The following OSBPL11 variants were observed in gnomAD, a reference collection of about 807,000 sequenced individuals.
OSBPL11 encodes the protein oxysterol-binding protein-related protein 11.
OSBPL11 carries 33 observed loss-of-function variants against 84.4 expected under a neutral mutation model. The ratio of observed to expected loss-of-function variants is 0.39; its 90% CI spans 0.30 to 0.52. The LOEUF is 0.52. Ranked by LOEUF, OSBPL11 falls within the 20% of genes least tolerant of loss-of-function variation. The pLI is 0.72. For missense variants in OSBPL11, 736 were observed against 901.1 expected (o/e 0.82, Z 2.35); for synonymous variants, 276 against 310.2 (o/e 0.89, Z 1.16).
chr3:125,560,295 TAAATAA>T, intron 8 of OSBPL11, 78 bp downstream of exon 8: 4 of 1,206,608 alleles, frequency 3.3e-6, no homozygotes, highest in Middle Eastern at 2.8e-4. Context: ...AAAAAGTAAA[TAAATAA>T]AAAGTCCTGA....
rs1253490940 is a variant in OSBPL11 at position 125,588,373 on chromosome 3, G to A, written c.165-5395C>T. Reference sequence around the variant, plus strand: ...GCTGGAAGTAACATCAGAGGTTGACGATAATGTCAAGAGGTTCTCCAGCTT... The same window carrying A: ...GCTGGAAGTAACATCAGAGGTTGACAATAATGTCAAGAGGTTCTCCAGCTT... On this transcript the variant is annotated intron_variant, in intron 1 of 12. Coordinates refer to ENST00000296220, the MANE Select transcript of OSBPL11 (RefSeq NM_022776.5). 2.6e-5 allele frequency among the ~76,000 whole-genome samples: 4 copies of A among 152,174 alleles called. No individual in the cohort carries two copies. In the South Asian group the frequency reaches 8.3e-4, roughly 31 times the overall value.
chr3:125,566,881 C>T (rs1936164084), intron 6 of OSBPL11, among the ~76,000 whole-genome samples: 1 of 151,894 alleles, frequency 6.6e-6, no homozygotes. Flanking sequence ...GACTCCTGGG[C>T]TCGGGATCCT....
Position 125,529,179 on chromosome 3 carries a change from C to T in OSBPL11, c.*1336G>A, listed in dbSNP as rs1184370037. 2 of 152,374 alleles carry T rather than the reference C, an allele frequency of 1.3e-5. No homozygotes were observed. Among genetic ancestry groups the T allele is most frequent in the Non-Finnish European group, 2.9e-5 (2 of 67,974 alleles). 9.4% of individuals were successfully genotyped at this position (152,374 alleles called of 1,614,324 possible). A position where few individuals can be genotyped will look rare whatever the true frequency, so the allele number is the denominator to read the frequency against. On this transcript the variant is annotated 3_prime_UTR_variant, in exon 13 of 13. Transcript: ENST00000296220. ...ATGTTACACACACTGATTGGAAGAC[C>T]ATATCAGAAAAAACAGAGTAAGGCA...
chr3:125,579,773 C>T (rs940543320), intron 3 of OSBPL11, 92 bp downstream of exon 3: 8 of 1,136,766 alleles, frequency 7.0e-6, no homozygotes, highest in African/African-American at 1.6e-5. Flanking sequence ...ACAGCAGTTT[C>T]TATTTCCAAA....
At chr3:125,561,536 A>C (rs1030533557) in intron 7 of OSBPL11, among the ~76,000 whole-genome samples, 2 of 152,164 alleles carry the variant, frequency 1.3e-5, no homozygotes, top group Non-Finnish European at 2.9e-5. Flanking sequence ...AATGCACATA[A>C]TCTATTCATT....
At chr3:125,576,515 A>C (rs1936326607) in intron 4 of OSBPL11, 150 bp from the exon 5 acceptor site, 1 of 511,666 alleles carries the variant, frequency 2.0e-6, no homozygotes, top group Non-Finnish European at 3.1e-6. Context: ...TCCAAAGATA[A>C]AAATCTGAGA....
At chr3:125,577,246 C>G (rs1329930649) in intron 4 of OSBPL11, among the ~76,000 whole-genome samples, 1 of 152,124 alleles carries the variant, frequency 6.6e-6, no homozygotes, top group Non-Finnish European at 1.5e-5. Context: ...AAGTTATCAC[C>G]TAGGTACGAA....
chr3:125,590,320 T>C (rs903246091), intron 1 of OSBPL11, among the ~76,000 whole-genome samples: 2 of 152,136 alleles, frequency 1.3e-5, no homozygotes, highest in African/African-American at 2.4e-5. Flanking sequence ...GAGGCCGAAG[T>C]GGGTGGATCA....
intron 5 of OSBPL11, among the ~76,000 whole-genome samples, chr3:125,573,592 G>A (rs1003248702): frequency 1.3e-5 from 2 of 152,170 alleles, no homozygotes; most frequent in African/African-American, 2.4e-5. Context: ...GCCAGGTGCG[G>A]TGGCTCACGC....
Position 125,530,670 on chromosome 3 carries a change from A to G in OSBPL11, c.2179-90T>C, listed in dbSNP as rs1421150513. 5.7e-6 allele frequency: 6 copies of G among 1,055,620 alleles called. No homozygotes were observed. In the Admixed American group the frequency reaches 6.0e-5, roughly 11 times the overall value. The allele number at this position is 1,055,620 out of a possible 1,614,324, so 65.4% of individuals were successfully genotyped here. On this transcript the variant is annotated intron_variant, in intron 12 of 12. Transcript: ENST00000296220. ...GAAGCAACACCTTCACTGAAATGGA[A>G]TTCTATTTTCACATTCAAAAACAAG...
intron 1 of OSBPL11, among the ~76,000 whole-genome samples, chr3:125,590,966 T>C (rs1178323599): frequency 6.6e-6 from 1 of 152,214 alleles, no homozygotes; most frequent in African/African-American, 2.4e-5. Flanking sequence ...TAAGTCTATA[T>C]TGTCATTTAG....
Position 125,528,881 on chromosome 3 carries a change from T to G in OSBPL11, c.*1634A>C, listed in dbSNP as rs1935514943. The stretch of plus-strand genomic sequence containing the variant: ...TATTGTTTGTTCTCTAGTTTTATTA[T>G]TTGTCAATTTTCCCAACACAGGAAC... On this transcript the variant is annotated 3_prime_UTR_variant, in exon 13 of 13. Transcript: ENST00000296220. The G allele has an allele frequency of 6.6e-6, 1 of 152,670 alleles. No individual in the cohort carries two copies. Among genetic ancestry groups the G allele is most frequent in the Admixed American group, 6.5e-5 (1 of 15,292 alleles). The allele number at this position is 152,670 out of a possible 1,614,324, so 9.5% of individuals were successfully genotyped here.
intron 8 of OSBPL11, among the ~76,000 whole-genome samples, chr3:125,558,961 G>A (rs1936032975): frequency 6.6e-6 from 1 of 152,222 alleles, no homozygotes; most frequent in African/African-American, 2.4e-5. Context: ...ACTTAAAGAA[G>A]CAAAGCTTTT....
chr3:125,541,543 G>C (rs1010924271), intron 10 of OSBPL11, among the ~76,000 whole-genome samples: 2 of 152,052 alleles, frequency 1.3e-5, no homozygotes, highest in African/African-American at 4.8e-5. Flanking sequence ...AGACACTAAG[G>C]CTCAAAAATT....
In OSBPL11 at chr3:125,552,411, C is replaced by T. The variant is rs761671798; in HGVS notation, c.1424G>A (p.Ser475Asn). The T allele has an allele frequency of 1.1e-5, 17 of 1,614,016 alleles. No individual in the cohort carries two copies. Among genetic ancestry groups the T allele is most frequent in the Non-Finnish European group, 1.4e-5 (16 of 1,180,036 alleles). ...KSEVASSVFSSSSTQGVTNHA... is the reference protein window; with the variant it reads ...KSEVASSVFSNSSTQGVTNHA... ...ATTTGTGACTCCCTGGGTGGAAGAA[C>T]TGCTAAAAACACTGGATGCTACCTC... Residue 475 changes from serine to asparagine, a missense_variant, in exon 9 of 13, where the codon AGT (serine) becomes AAT (asparagine). Physicochemically the swap from Ser to Asn is conservative, Grantham distance 46. Transcript: ENST00000296220.
chr3:125,593,419 A>C (rs953805634), intron 1 of OSBPL11, among the ~76,000 whole-genome samples: 10 of 152,184 alleles, frequency 6.6e-5, no homozygotes, highest in African/African-American at 2.4e-4. Context: ...CAGGAGTTCG[A>C]GACCAGCCTG....
chr3:125,561,270 T>C (rs890954686), intron 7 of OSBPL11, among the ~76,000 whole-genome samples: 5 of 152,238 alleles, frequency 3.3e-5, no homozygotes, highest in African/African-American at 1.2e-4. Flanking sequence ...AGTGCTGGGA[T>C]TATAGGCATG....
At chr3:125,537,371 C>T (rs1014372354) in intron 11 of OSBPL11, among the ~76,000 whole-genome samples, 4 of 152,066 alleles carry the variant, frequency 2.6e-5, no homozygotes, top group African/African-American at 9.7e-5. Flanking sequence ...TTTGCACCAT[C>T]ATAAGAGCCC....
chr3:125,530,642 C>G, intron 12 of OSBPL11, 62 bp from the exon 13 acceptor site: 1 of 1,260,764 alleles, frequency 7.9e-7, no homozygotes, highest in Non-Finnish European at 1.2e-6. Context: ...GTAACCAAAA[C>G]TAGAAGCAAC....
Sources: allele counts gnomAD v4.1 joint callset (sites outside exome capture counted in the v4.1 genomes callset), GRCh38; gene constraint gnomAD v4.1.1; transcripts MANE v1.5; gene names NCBI Gene and HGNC (gene_info 2026-07-23, HGNC 2026-07-21).